CAST: variants seen among roughly 807,000 people sequenced by gnomAD.
CAST encodes the protein calpastatin, also known as MIR583 host.
CAST carries 76 observed loss-of-function variants against 119.6 expected under a neutral mutation model. The observed-to-expected ratio is 0.64, with a 90% confidence interval of 0.53 to 0.77. CAST has a LOEUF of 0.77. CAST is among the 30% of genes least tolerant of loss of function. The pLI, the probability that CAST is intolerant of heterozygous loss-of-function variation, is 0.00. For missense variants in CAST, 953 were observed against 946.5 expected (o/e 1.01, Z -0.09); for synonymous variants, 319 against 331.6 (o/e 0.96, Z 0.41).
chr5:96,682,188 A>T (rs917264609), intron 2 of CAST, among the ~76,000 whole-genome samples: 3 of 152,244 alleles, frequency 2.0e-5, no homozygotes, highest in African/African-American at 7.2e-5. Context: ...ACTGCAGATA[A>T]GAGAGACTAC....
chr5:96,653,846 C>A (rs1748123266), intron 1 of CAST, among the ~76,000 whole-genome samples: 1 of 152,036 alleles, frequency 6.6e-6, no homozygotes, highest in African/African-American at 2.4e-5. Context: ...GAGTCTTATT[C>A]TGTATTTTTC....
At chr5:96,534,820 GAAAA>G (rs1231894076) in intron 1 of CAST, among the ~76,000 whole-genome samples, 4 of 133,552 alleles carry the variant, frequency 3.0e-5, no homozygotes, top group Admixed American at 7.7e-5. Context: ...AAGAAAGAAA[GAAAA>G]GAAAGAAGGA....
the CAST span, among the ~76,000 whole-genome samples, chr5:96,034,797 C>T: frequency 6.6e-6 from 1 of 151,024 alleles, no homozygotes; most frequent in Non-Finnish European, 1.5e-5. Context: ...CCCCTGATAA[C>T]CACATTCTAC....
chr5:96,234,231 CATTAGTCTTA>C, the CAST span, among the ~76,000 whole-genome samples: 2 of 152,140 alleles, frequency 1.3e-5, no homozygotes, highest in Admixed American at 6.5e-5. Flanking sequence ...GAGAGAAAAG[CATTAGTCTTA>C]AAATGTATTG....
intron 3 of CAST, among the ~76,000 whole-genome samples, chr5:96,698,907 A>G (rs1241475749): frequency 6.6e-6 from 1 of 152,226 alleles, no homozygotes; most frequent in Non-Finnish European, 1.5e-5. Flanking sequence ...TTTGAAGCAT[A>G]TGTGTAAGCT....
chr5:96,270,419 G>C, the CAST span, among the ~76,000 whole-genome samples: 183 of 152,088 alleles, frequency 1.2e-3, no homozygotes, highest in African/African-American at 4.3e-3. Context: ...AAGAAATAAA[G>C]GGCATCCAAA....
At chr5:96,151,915 C>G in the CAST span, among the ~76,000 whole-genome samples, 1 of 152,136 alleles carries the variant, frequency 6.6e-6, no homozygotes, top group African/African-American at 2.4e-5. Flanking sequence ...TTCTAAGCTC[C>G]CAGTAACCCC....
At chr5:96,295,132 T>G in the CAST span, among the ~76,000 whole-genome samples, 1 of 152,218 alleles carries the variant, frequency 6.6e-6, no homozygotes, top group Non-Finnish European at 1.5e-5. Context: ...GAAACTCAAA[T>G]GCATAATGGA....
chr5:96,283,964 G>T, the CAST span, among the ~76,000 whole-genome samples: 1 of 152,150 alleles, frequency 6.6e-6, no homozygotes, highest in East Asian at 1.9e-4. Flanking sequence ...TGGGTTGGAA[G>T]GAGTCTCAAT....
the CAST span, among the ~76,000 whole-genome samples, chr5:96,261,294 C>T: frequency 6.6e-6 from 1 of 152,146 alleles, no homozygotes; most frequent in South Asian, 2.1e-4. Context: ...TCTGAGAAAG[C>T]TAAGAGGCTG....
rs144317269 is a variant in CAST, at chr5:96,641,811, T to C, written c.61-33728T>C. ...TCTTCTAAGTTCAAGTCCACTTTCC[T>C]GCATGCTCACAAAGCTCCCTCTAAC... On this transcript the variant is annotated intron_variant, in intron 1 of 11. Transcript: ENST00000505143. 3.1e-3 allele frequency among the ~76,000 whole-genome samples: 467 copies of C among 152,318 alleles called. 2 individuals are homozygous for C. The highest frequency in any genetic ancestry group is 0.011 in the African/African-American group (437 of 41,564).
chr5:96,204,140 A>G, the CAST span, among the ~76,000 whole-genome samples: 18 of 152,166 alleles, frequency 1.2e-4, no homozygotes, highest in African/African-American at 4.1e-4. Context: ...AATGACTGCC[A>G]TATATTTTCT....
the CAST span, among the ~76,000 whole-genome samples, chr5:96,175,480 T>C: frequency 6.6e-6 from 1 of 152,196 alleles, no homozygotes; most frequent in Non-Finnish European, 1.5e-5. Flanking sequence ...AAACTATTAT[T>C]TAGTATGGAG....
chr5:96,381,887 G>A, the CAST span, among the ~76,000 whole-genome samples: 42 of 152,042 alleles, frequency 2.8e-4, no homozygotes, highest in African/African-American at 9.2e-4. Flanking sequence ...ACTACAATTC[G>A]GTTTTAAGTG....
chr5:96,090,184 T>C, the CAST span, among the ~76,000 whole-genome samples: 1,501 of 152,332 alleles, frequency 9.9e-3, 31 homozygotes, highest in African/African-American at 0.034. Flanking sequence ...CAGGTTGTTA[T>C]GTTGGTGGGA....
At chr5:96,569,318 T>C (rs1337921763) in intron 1 of CAST, among the ~76,000 whole-genome samples, 1 of 152,188 alleles carries the variant, frequency 6.6e-6, no homozygotes, top group African/African-American at 2.4e-5. Context: ...GCATTCATGA[T>C]GAAAAGTCAA....
the CAST span, among the ~76,000 whole-genome samples, chr5:95,996,766 A>G: frequency 6.6e-6 from 1 of 152,138 alleles, no homozygotes; most frequent in African/African-American, 2.4e-5. Flanking sequence ...AGTGGGTCCC[A>G]GGAATCTACA....
chr5:96,587,647 T>C (rs1278543480), intron 1 of CAST, among the ~76,000 whole-genome samples: 1 of 152,104 alleles, frequency 6.6e-6, no homozygotes, highest in African/African-American at 2.4e-5. Flanking sequence ...TCATGAAAAA[T>C]GGTGAAGCTA....
chr5:96,501,880 A>G, the CAST span, among the ~76,000 whole-genome samples: 3 of 152,252 alleles, frequency 2.0e-5, no homozygotes, highest in Non-Finnish European at 4.4e-5. Flanking sequence ...TATTCAGTAC[A>G]GTAACATGCT....
Sources: gnomAD v4.1 joint callset for allele counts (sites outside exome capture counted in the v4.1 genomes callset) on GRCh38, gnomAD v4.1.1 for gene constraint, MANE v1.5 for transcripts, NCBI Gene and HGNC (gene_info 2026-07-23, HGNC 2026-07-21) for gene names.